The following CDH22 variants were observed in gnomAD, a reference collection of about 807,000 sequenced individuals.
CDH22 encodes cadherin-22.
CDH22 carries 30 observed loss-of-function variants against 58.4 expected under a neutral mutation model. The observed-to-expected ratio is 0.51, with a 90% CI of 0.38 to 0.70. The LOEUF is 0.70. Among genes scored for constraint, CDH22 ranks in the 30% least tolerant of loss-of-function variants. CDH22 has a pLI of 0.00. For missense variants in CDH22, 1,014 were observed against 1,233.9 expected (o/e 0.82, Z 2.67); for synonymous variants, 513 against 558.2 (o/e 0.92, Z 1.14).
Position 46,183,789 on chromosome 20 carries a change from G to C in CDH22, c.1663+2799C>G, listed in dbSNP as rs370518662. 2.3e-4 allele frequency among the ~76,000 whole-genome samples: 35 copies of C among 152,142 alleles called. No individual in the cohort carries two copies. The East Asian group carries it at 5.6e-3, about 24-fold the overall frequency. ...CTAAGGCTCCGCATTGGGTGTGAGT[G>C]TGTAAAGGCCTTGAGAAGGATCCCA... On this transcript the variant is annotated intron_variant, in intron 10 of 11. Transcript: ENST00000537909.
chr20:46,205,189 T>C (rs1568657698), intron 7 of CDH22, among the ~76,000 whole-genome samples: 1 of 151,950 alleles, frequency 6.6e-6, no homozygotes, highest in Non-Finnish European at 1.5e-5. Context: ...AAATTGTATG[T>C]GGTTAACACT....
chr20:46,230,308 G>A (rs867073058), intron 3 of CDH22, among the ~76,000 whole-genome samples: 2 of 152,174 alleles, frequency 1.3e-5, no homozygotes, highest in East Asian at 3.9e-4. Context: ...GCTCTGAGGG[G>A]TGGATGGGTC....
Position 46,174,338 on chromosome 20 carries a change from G to C in CDH22, c.*168C>G. The C allele has an allele frequency of 1.8e-6, 1 of 543,810 alleles. No homozygotes were observed. The highest frequency in any genetic ancestry group is 3.2e-6 in the Non-Finnish European group (1 of 316,316). The allele number at this position is 543,810 out of a possible 1,614,324, so 33.7% of individuals were successfully genotyped here. The stretch of plus-strand genomic sequence containing the variant: ...TGGGCTCCAAAGCTGCACCCCTAGA[G>C]GAGGAGGAATGGAAGAGTCCGCTCC... On this transcript the variant is annotated 3_prime_UTR_variant, in exon 12 of 12. Transcript: ENST00000537909. The surrounding 1 kb of genome is among the most constrained non-coding windows in gnomAD (Gnocchi z 4.4).
intron 2 of CDH22, among the ~76,000 whole-genome samples, chr20:46,242,070 GGA>G (rs1455303660): frequency 1.3e-5 from 2 of 152,218 alleles, no homozygotes; most frequent in Non-Finnish European, 2.9e-5. Context: ...GGGAGTGAAG[GGA>G]GAGAGGAGGA....
intron 1 of CDH22, among the ~76,000 whole-genome samples, chr20:46,295,915 G>C (rs1201938595): frequency 6.6e-6 from 1 of 152,164 alleles, no homozygotes; most frequent in Non-Finnish European, 1.5e-5. Context: ...GTCGTGTGCT[G>C]CCACTCTTGG....
chr20:46,247,706 C>T (rs2086340932), intron 2 of CDH22, among the ~76,000 whole-genome samples: 1 of 152,116 alleles, frequency 6.6e-6, no homozygotes, highest in Non-Finnish European at 1.5e-5. Context: ...TCATAAGCAG[C>T]CGAGCTGGGA....
At chr20:46,198,024 C>T (rs1049385177) in intron 8 of CDH22, among the ~76,000 whole-genome samples, 1 of 152,126 alleles carries the variant, frequency 6.6e-6, no homozygotes, top group Non-Finnish European at 1.5e-5. Context: ...AACCATATTC[C>T]TGTTGTCATG....
intron 1 of CDH22, among the ~76,000 whole-genome samples, chr20:46,283,627 T>G (rs963373376): frequency 1.3e-5 from 2 of 152,178 alleles, no homozygotes; most frequent in East Asian, 3.8e-4. Flanking sequence ...CTCTAGGAGC[T>G]TGGCAGACCA....
At chr20:46,185,997 G>C (rs543705308) in intron 10 of CDH22, among the ~76,000 whole-genome samples, 1 of 152,132 alleles carries the variant, frequency 6.6e-6, no homozygotes, top group South Asian at 2.1e-4. Flanking sequence ...CCGATAGCTT[G>C]AGCCTGGGAG....
At chr20:46,264,083 C>A (rs1465363681) in intron 1 of CDH22, among the ~76,000 whole-genome samples, 4 of 152,180 alleles carry the variant, frequency 2.6e-5, no homozygotes, top group African/African-American at 9.7e-5. Context: ...TCAAGAGTGA[C>A]TCCCCGGATT....
chr20:46,247,047 T>TCC (rs34760083), intron 2 of CDH22, among the ~76,000 whole-genome samples: 74 of 147,848 alleles, frequency 5.0e-4, no homozygotes, highest in African/African-American at 1.0e-3. Flanking sequence ...ATGACAACCT[T>TCC]CCCCCCCACT....
intron 1 of CDH22, among the ~76,000 whole-genome samples, chr20:46,304,166 T>A (rs1161097876): frequency 1.3e-5 from 2 of 152,116 alleles, no homozygotes; most frequent in Non-Finnish European, 2.9e-5. Flanking sequence ...CAGAGACAGA[T>A]CCTGGTGGTC....
At chr20:46,176,115 A>G (rs1312873744) in intron 11 of CDH22, among the ~76,000 whole-genome samples, 1 of 152,128 alleles carries the variant, frequency 6.6e-6, no homozygotes. Flanking sequence ...CAATCTTCTA[A>G]GCAGGTTTCT....
At chr20:46,229,414 G>A (rs1055980243) in intron 3 of CDH22, among the ~76,000 whole-genome samples, 2 of 152,116 alleles carry the variant, frequency 1.3e-5, no homozygotes, top group African/African-American at 4.8e-5. Context: ...TCCCTTCTGG[G>A]AAGCAGTATC....
At chr20:46,267,870 G>A (rs2086468584) in intron 1 of CDH22, among the ~76,000 whole-genome samples, 1 of 152,258 alleles carries the variant, frequency 6.6e-6, no homozygotes, top group Admixed American at 6.5e-5. Flanking sequence ...CCTGCGGGAG[G>A]TTCACTGGGG....
At chr20:46,177,196 G>A (rs962897781) in intron 11 of CDH22, among the ~76,000 whole-genome samples, 2 of 152,206 alleles carry the variant, frequency 1.3e-5, no homozygotes, top group South Asian at 4.1e-4. Flanking sequence ...AGGGAGCAGA[G>A]CAAGGCTGGA....
chr20:46,299,839 C>T (rs1426357862), intron 1 of CDH22, among the ~76,000 whole-genome samples: 2 of 152,188 alleles, frequency 1.3e-5, no homozygotes, highest in Non-Finnish European at 2.9e-5. Flanking sequence ...CCCTGGTAGT[C>T]TGGCTCCTAG....
At chr20:46,187,046 C>A in intron 8 of CDH22, 99 bp from the exon 9 acceptor site, 2 of 1,321,926 alleles carry the variant, frequency 1.5e-6, no homozygotes, top group Non-Finnish European at 2.0e-6. Context: ...TGGGGTCATG[C>A]TGAGAAATTT....
At chr20:46,243,399 G>A (rs1600713739) in intron 2 of CDH22, among the ~76,000 whole-genome samples, 1 of 152,224 alleles carries the variant, frequency 6.6e-6, no homozygotes. Flanking sequence ...GGGACTAAAT[G>A]GAGGCGTCTG....
Sources: gnomAD v4.1 joint callset for allele counts (sites outside exome capture counted in the v4.1 genomes callset) on GRCh38, gnomAD v4.1.1 for gene constraint, Gnocchi (gnomAD v3.1) non-coding constraint, MANE v1.5 for transcripts, NCBI Gene and HGNC (gene_info 2026-07-23, HGNC 2026-07-21) for gene names.